Variants in DAW1 observed in about 807,000 individuals in gnomAD.
DAW1 encodes the protein dynein assembly factor with WD repeat domains 1.
In DAW1, 47 loss-of-function variants were observed where a neutral mutation model predicts 56.5. The observed-to-expected ratio is 0.83, with a 90% CI of 0.66 to 1.06. The LOEUF (loss-of-function observed/expected upper bound fraction) is 1.06, where lower values mean the gene tolerates loss of function less well. DAW1 is among the 50% of genes least tolerant of loss of function. The pLI is 0.00. For missense variants in DAW1, 505 were observed against 499.3 expected, an observed-to-expected ratio of 1.01 and a Z score of -0.11; for synonymous variants, 190 against 179.0, an observed-to-expected ratio of 1.06 and a Z score of -0.49.
chr2:227,873,589 T>G lies in DAW1; in HGVS notation c.40+1860T>G, dbSNP rs1690805907. Among the ~76,000 whole-genome samples the G allele has an allele frequency of 2.0e-5, 3 of 152,356 alleles. No homozygotes were observed. The South Asian group carries it at 6.2e-4, about 32-fold the overall frequency. ...CTTTCTCCAATGGGAAGTTGACATT[T>G]GTAGAAAAGACATGCATTTTCTCCT... is the stretch of plus-strand genomic sequence containing the variant. On this transcript the variant is annotated intron_variant, in intron 1 of 12. Transcript: ENST00000309931.
rs759159600 is a variant in DAW1 at position 227,904,967 on chromosome 2, C to T, written c.687C>T (p.Thr229=). 1 of 1,613,716 alleles carries T rather than the reference C, an allele frequency of 6.2e-7. No homozygotes were observed. The highest frequency in any genetic ancestry group is 1.1e-5 in the South Asian group (1 of 91,048). The change falls in exon 8 of 13, where the codon ACC becomes ACT. Residue 229 remains threonine (T), a synonymous_variant. Transcript: ENST00000309931. ...AAATCATCTCCTTGTCATTTAACACCTCAGGAGACAGAATCATCACGGGGT... is the reference window on the plus strand; with the variant it reads ...AAATCATCTCCTTGTCATTTAACACTTCAGGAGACAGAATCATCACGGGGT... The part of the protein sequence containing the change: ...SAEIISLSFN[T]SGDRIITGSF...
chr2:227,904,947 A>T lies in DAW1; in HGVS notation c.667A>T (p.Ile223Phe). 2 of 1,613,348 alleles carry T rather than the reference A, an allele frequency of 1.2e-6. No homozygotes were observed. The highest frequency in any genetic ancestry group is 4.5e-5 in the East Asian group (2 of 44,822). Residue 223 changes from isoleucine (I) to phenylalanine (F), a missense_variant, in exon 8 of 13, where the codon ATC becomes TTC. Physicochemically the swap from Ile to Phe is conservative, Grantham distance 21. Transcript: ENST00000309931. Reference sequence around the variant, plus strand: ...TTTCTAGGGACATTCTGCCGAAATCATCTCCTTGTCATTTAACACCTCAGG... The same window carrying T: ...TTTCTAGGGACATTCTGCCGAAATCTTCTCCTTGTCATTTAACACCTCAGG... ...YTLRGHSAEI[I>F]SLSFNTSGDR...
chr2:227,886,139 A>C (rs973595556), intron 2 of DAW1, among the ~76,000 whole-genome samples: 9 of 151,996 alleles, frequency 5.9e-5, no homozygotes, highest in African/African-American at 1.2e-4. Flanking sequence ...CTGAGTTTTA[A>C]GAATATTACT....
At chr2:227,913,431 G>T (rs1052689618) in intron 10 of DAW1, among the ~76,000 whole-genome samples, 4 of 152,110 alleles carry the variant, frequency 2.6e-5, no homozygotes, top group African/African-American at 7.2e-5. Flanking sequence ...GAAAATCACA[G>T]ATAATGCTTT....
chr2:227,907,294 T>C, intron 10 of DAW1, 42 bp downstream of exon 10: 1 of 1,518,102 alleles, frequency 6.6e-7, no homozygotes, highest in South Asian at 1.2e-5. Flanking sequence ...GAGAGATTTA[T>C]GCTTTGCTTG....
chr2:227,911,133 T>C (rs1691803914), intron 10 of DAW1, among the ~76,000 whole-genome samples: 1 of 151,404 alleles, frequency 6.6e-6, no homozygotes, highest in South Asian at 2.1e-4. Context: ...TGGCAATGGA[T>C]GAAACTATAC....
chr2:227,920,019 T>A (rs1692066081), intron 11 of DAW1, among the ~76,000 whole-genome samples: 1 of 152,030 alleles, frequency 6.6e-6, no homozygotes, highest in African/African-American at 2.4e-5. Flanking sequence ...GGCTTATGGA[T>A]GGCAGGAGGG....
chr2:227,920,330 C>T (rs1056470536), intron 11 of DAW1, among the ~76,000 whole-genome samples: 2 of 152,314 alleles, frequency 1.3e-5, no homozygotes, highest in South Asian at 2.1e-4. Context: ...GGGCATTGCA[C>T]AGCCACTGGT....
At chr2:227,916,769 A>G (rs1275515397) in intron 10 of DAW1, among the ~76,000 whole-genome samples, 1 of 152,190 alleles carries the variant, frequency 6.6e-6, no homozygotes, top group Non-Finnish European at 1.5e-5. Flanking sequence ...TGAACTTGAC[A>G]GTGATCACAC....
At chr2:227,910,842 A>G (rs1019643990) in intron 10 of DAW1, among the ~76,000 whole-genome samples, 1 of 152,112 alleles carries the variant, frequency 6.6e-6, no homozygotes, top group African/African-American at 2.4e-5. Context: ...CATTTTCATG[A>G]TAAGCACCTG....
intron 10 of DAW1, among the ~76,000 whole-genome samples, chr2:227,912,866 C>A (rs796504490): frequency 5.3e-5 from 8 of 152,284 alleles, no homozygotes; most frequent in African/African-American, 1.7e-4. Flanking sequence ...GCTACACTAT[C>A]ACTCCAAATT....
chr2:227,884,639 T>C (rs191726874), intron 1 of DAW1, among the ~76,000 whole-genome samples: 1 of 152,182 alleles, frequency 6.6e-6, no homozygotes, highest in Non-Finnish European at 1.5e-5. Context: ...GTAGGCCTGC[T>C]GTCACTGAGT....
At chr2:227,886,036 T>C (rs2396510) in intron 2 of DAW1, among the ~76,000 whole-genome samples, 78,625 of 148,674 alleles carry the variant, frequency 0.53, 21,148 homozygotes, top group Admixed American at 0.62. Flanking sequence ...GTGCAGTGGC[T>C]CGATCTCGGC....
intron 2 of DAW1, chr2:227,889,591 T>C (rs77727183): frequency 3.6e-6 from 1 of 277,748 alleles, no homozygotes; most frequent in South Asian, 8.7e-5. Context: ...CATTAGACTC[T>C]TGGCACACCC....
At chr2:227,878,191 A>C (rs1488611479) in intron 1 of DAW1, among the ~76,000 whole-genome samples, 1 of 152,140 alleles carries the variant, frequency 6.6e-6, no homozygotes, top group Non-Finnish European at 1.5e-5. Flanking sequence ...TTTATTGCTT[A>C]TTCATTGTGT....
intron 10 of DAW1, among the ~76,000 whole-genome samples, chr2:227,907,795 G>T (rs1328619952): frequency 3.9e-5 from 6 of 152,152 alleles, no homozygotes; most frequent in African/African-American, 1.4e-4. Context: ...TGATCCACCT[G>T]CCTTGGCCTC....
Position 227,885,376 on chromosome 2 carries a change from T to A in DAW1, c.66T>A (p.His22Gln), listed in dbSNP as rs1691099482. The A allele has an allele frequency of 3.7e-6, 6 of 1,601,574 alleles. No individual in the cohort carries two copies. Among genetic ancestry groups the A allele is most frequent in the Non-Finnish European group, 5.1e-6 (6 of 1,175,282 alleles). ...PPGIMLEYEK[H>Q]GELKTKSIDL... is the part of the protein sequence containing the mutation. ...GAATTATGTTGGAATATGAAAAACATGGAGAATTAAAGACTAAGTCCATAG... is the reference window on the plus strand; with the variant it reads ...GAATTATGTTGGAATATGAAAAACAAGGAGAATTAAAGACTAAGTCCATAG... Residue 22 changes from histidine (H) to glutamine (Q), a missense_variant, in exon 2 of 13, where the codon CAT becomes CAA. Physicochemically the swap from His to Gln is conservative, Grantham distance 24. Transcript: ENST00000309931.
At chr2:227,906,436 T>C in intron 9 of DAW1, 98 bp downstream of exon 9, 1 of 838,624 alleles carries the variant, frequency 1.2e-6, no homozygotes, top group Non-Finnish European at 1.7e-6. Context: ...AAAGATGATA[T>C]AAAATTAAGA....
intron 2 of DAW1, among the ~76,000 whole-genome samples, chr2:227,886,279 C>T (rs1050444823): frequency 6.6e-6 from 1 of 152,128 alleles, no homozygotes. Flanking sequence ...CAGAGGAAAC[C>T]TCTTGTGATG....
Sources: gnomAD v4.1 joint callset for allele counts (sites outside exome capture counted in the v4.1 genomes callset) on GRCh38, gnomAD v4.1.1 for gene constraint, MANE v1.5 for transcripts, NCBI Gene and HGNC (gene_info 2026-07-23, HGNC 2026-07-21) for gene names.